Variants in TUSC3 observed in about 807,000 individuals in gnomAD.
The protein encoded by TUSC3 is tumor suppressor candidate 3.
In TUSC3, 45 loss-of-function variants were observed where a neutral mutation model predicts 44.8. That is an observed-to-expected ratio of 1.00 (90% CI 0.79 to 1.29). TUSC3 has a LOEUF of 1.29. Ranked by LOEUF, TUSC3 falls within the 50% of genes most tolerant of loss-of-function variation. TUSC3 has a pLI of 0.00. For missense variants in TUSC3, 519 were observed against 437.9 expected (o/e 1.19, Z -1.65); for synonymous variants, 212 against 152.9 (o/e 1.39, Z -2.85).
chr8:15,734,505 A>T (rs1810853267), intron 7 of TUSC3, among the ~76,000 whole-genome samples: 2 of 152,182 alleles, frequency 1.3e-5, no homozygotes, highest in Non-Finnish European at 2.9e-5. Flanking sequence ...AATAACTTAC[A>T]TAGGGCTTTA....
At chr8:15,626,148 C>T (rs1437272097) in intron 2 of TUSC3, among the ~76,000 whole-genome samples, 2 of 152,068 alleles carry the variant, frequency 1.3e-5, no homozygotes, top group African/African-American at 2.4e-5. Flanking sequence ...ACTGTGCCAC[C>T]CCCACCCTCC....
At chr8:15,792,240 G>A in the TUSC3 span, among the ~76,000 whole-genome samples, 1 of 152,116 alleles carries the variant, frequency 6.6e-6, no homozygotes, top group African/African-American at 2.4e-5. Context: ...CAGTGAATGA[G>A]GTAGAAATAG....
chr8:15,641,907 C>G (rs1806389965), intron 2 of TUSC3, among the ~76,000 whole-genome samples: 1 of 152,092 alleles, frequency 6.6e-6, no homozygotes, highest in Non-Finnish European at 1.5e-5. Flanking sequence ...CGCAAGGAAA[C>G]TTTTGGAAGT....
At chr8:15,597,124 G>C (rs1039313368) in intron 1 of TUSC3, among the ~76,000 whole-genome samples, 10 of 152,132 alleles carry the variant, frequency 6.6e-5, no homozygotes, top group African/African-American at 2.4e-4. Context: ...AGAATATGGA[G>C]ATGAGGTAGC....
At chr8:15,499,774 T>C (rs1585066996) in intron 2 of TUSC3, among the ~76,000 whole-genome samples, 1 of 152,194 alleles carries the variant, frequency 6.6e-6, no homozygotes, top group Non-Finnish European at 1.5e-5. Flanking sequence ...GTCTTCTCCC[T>C]ACACCATTAA....
the TUSC3 span, among the ~76,000 whole-genome samples, chr8:15,796,069 G>A: frequency 1.3e-5 from 2 of 152,126 alleles, no homozygotes; most frequent in African/African-American, 2.4e-5. Context: ...TGTTTGTTCA[G>A]CTTCTGGCAG....
At chr8:15,753,136 T>C (rs1374977089) in intron 9 of TUSC3, among the ~76,000 whole-genome samples, 1 of 152,086 alleles carries the variant, frequency 6.6e-6, no homozygotes, top group Non-Finnish European at 1.5e-5. Context: ...TATAATGTTC[T>C]CTTCATGTAT....
intron 1 of TUSC3, among the ~76,000 whole-genome samples, chr8:15,457,206 C>A (rs142928192): frequency 7.3e-5 from 11 of 151,056 alleles, no homozygotes; most frequent in African/African-American, 2.7e-4. Context: ...TTAGGAGATA[C>A]ACCTAAAGTA....
At chr8:15,688,629 T>C (rs1808745500) in intron 6 of TUSC3, among the ~76,000 whole-genome samples, 1 of 152,106 alleles carries the variant, frequency 6.6e-6, no homozygotes, top group Admixed American at 6.6e-5. Context: ...GGTCTTTTGT[T>C]TTTGTTTGAA....
At chr8:15,496,733 C>T (rs542147383) in intron 2 of TUSC3, among the ~76,000 whole-genome samples, 4 of 152,196 alleles carry the variant, frequency 2.6e-5, no homozygotes, top group African/African-American at 4.8e-5. Context: ...GAGTGTGGGT[C>T]ATTTTAACAG....
At chr8:15,640,769 G>T (rs1200073580) in intron 2 of TUSC3, among the ~76,000 whole-genome samples, 1 of 152,086 alleles carries the variant, frequency 6.6e-6, no homozygotes, top group African/African-American at 2.4e-5. Context: ...GGATCCAAGG[G>T]GAGATGATGG....
chr8:15,563,048 C>G, intron 1 of TUSC3, among the ~76,000 whole-genome samples: 2 of 152,122 alleles, frequency 1.3e-5, no homozygotes, highest in South Asian at 4.2e-4. Context: ...TCATTTATGC[C>G]TACTAAAGTG....
chr8:15,585,014 A>G (rs1017609964), intron 1 of TUSC3, among the ~76,000 whole-genome samples: 1 of 152,222 alleles, frequency 6.6e-6, no homozygotes, highest in African/African-American at 2.4e-5. Context: ...ACATTAGTGT[A>G]GAAGGAATTT....
In TUSC3 at chr8:15,764,345, T is replaced by G; in HGVS notation, c.*189T>G. On this transcript the variant is annotated 3_prime_UTR_variant, in exon 11 of 11. Transcript: ENST00000503731. ...TTATTCTTGTGTACTTTTTTTAAAC[T>G]GTGGGTTTTCCTAGTAAATTTAATT... 1 of 1,006,174 alleles carries G rather than the reference T, an allele frequency of 9.9e-7. No homozygotes were observed. Among genetic ancestry groups the G allele is most frequent in the African/African-American group, 1.6e-5 (1 of 61,158 alleles). 62.3% of individuals were successfully genotyped at this position (1,006,174 alleles called of 1,614,324 possible). A position where few individuals can be genotyped will look rare whatever the true frequency, so the allele number is the denominator to read the frequency against.
At chr8:15,626,726 T>G (rs1805525903) in intron 2 of TUSC3, among the ~76,000 whole-genome samples, 2 of 152,176 alleles carry the variant, frequency 1.3e-5, no homozygotes, top group Admixed American at 6.5e-5. Flanking sequence ...TGTTGGAGCT[T>G]GGCCAGGTGT....
intron 2 of TUSC3, among the ~76,000 whole-genome samples, chr8:15,626,076 A>C (rs1805496731): frequency 1.3e-5 from 2 of 152,140 alleles, no homozygotes; most frequent in South Asian, 4.1e-4. Flanking sequence ...CAGGAGCAGC[A>C]GTGGCAGTGG....
At chr8:15,826,450 G>C in the TUSC3 span, among the ~76,000 whole-genome samples, 2 of 152,118 alleles carry the variant, frequency 1.3e-5, no homozygotes, top group African/African-American at 4.8e-5. Context: ...TTCTGGTTTA[G>C]TGATATCGCA....
intron 2 of TUSC3, among the ~76,000 whole-genome samples, chr8:15,526,203 T>C (rs1431514415): frequency 6.6e-6 from 1 of 152,058 alleles, no homozygotes; most frequent in African/African-American, 2.4e-5. Context: ...CGGCTAATTT[T>C]TTGTATTTTT....
chr8:15,770,278 G>A (rs990233822), downstream of TUSC3, among the ~76,000 whole-genome samples: 2 of 152,092 alleles, frequency 1.3e-5, no homozygotes, highest in Admixed American at 6.6e-5. Flanking sequence ...GGATGAAGCT[G>A]GAAACCATCC....
Sources: gnomAD v4.1 joint callset for allele counts (sites outside exome capture counted in the v4.1 genomes callset) on GRCh38, gnomAD v4.1.1 for gene constraint, MANE v1.5 for transcripts, NCBI Gene and HGNC (gene_info 2026-07-23, HGNC 2026-07-21) for gene names.